The following RASAL2 variants were observed in gnomAD, a reference collection of about 807,000 sequenced individuals.
RASAL2 encodes ras GTPase-activating protein nGAP.
Under a neutral mutation model 128.9 loss-of-function variants are expected in RASAL2, and 58 were observed. The ratio of observed to expected loss-of-function variants is 0.45; its 90% confidence interval spans 0.36 to 0.56. The LOEUF (loss-of-function observed/expected upper bound fraction) is 0.56, where lower values mean the gene tolerates loss of function less well. Among genes scored for constraint, RASAL2 ranks in the 20% least tolerant of loss-of-function variants. The pLI, the probability that RASAL2 is intolerant of heterozygous loss-of-function variation, is 0.00. For missense variants in RASAL2, 1,360 were observed against 1,601.6 expected, an observed-to-expected ratio of 0.85 and a Z score of 2.57; for synonymous variants, 561 against 580.8, an observed-to-expected ratio of 0.97 and a Z score of 0.49.
chr1:178,191,005 T>C (rs1472630158), intron 1 of RASAL2, among the ~76,000 whole-genome samples: 1 of 152,174 alleles, frequency 6.6e-6, no homozygotes, highest in African/African-American at 2.4e-5. Flanking sequence ...CACCATCTAA[T>C]TGCTTTTTCT....
chr1:178,168,914 G>A (rs1353770505), intron 1 of RASAL2, among the ~76,000 whole-genome samples: 1 of 151,964 alleles, frequency 6.6e-6, no homozygotes, highest in Non-Finnish European at 1.5e-5. Flanking sequence ...CCAGTTCATT[G>A]TAGTTGTATA....
chr1:178,135,865 G>A (rs1180983142), intron 1 of RASAL2, among the ~76,000 whole-genome samples: 1 of 152,096 alleles, frequency 6.6e-6, no homozygotes, highest in Admixed American at 6.6e-5. Flanking sequence ...AAAACCATCA[G>A]GTCTCATGAG....
At chr1:178,357,240 G>T (rs1200694784) in intron 3 of RASAL2, among the ~76,000 whole-genome samples, 1 of 151,694 alleles carries the variant, frequency 6.6e-6, no homozygotes, top group Admixed American at 6.6e-5. Context: ...TCGCTTTTGT[G>T]TCATGCTTAG....
intron 1 of RASAL2, among the ~76,000 whole-genome samples, chr1:178,136,187 T>C (rs1217909440): frequency 6.6e-6 from 1 of 152,168 alleles, no homozygotes; most frequent in Non-Finnish European, 1.5e-5. Context: ...CACTGTCCTT[T>C]TGTAGCTCTG....
At chr1:178,100,956 A>C (rs1176208315) in intron 1 of RASAL2, among the ~76,000 whole-genome samples, 2 of 152,196 alleles carry the variant, frequency 1.3e-5, no homozygotes, top group African/African-American at 2.4e-5. Flanking sequence ...GCACTGCTAA[A>C]ATTGCTTCAC....
At chr1:178,407,376 T>G (rs1674063278) in intron 4 of RASAL2, among the ~76,000 whole-genome samples, 1 of 152,224 alleles carries the variant, frequency 6.6e-6, no homozygotes, top group Non-Finnish European at 1.5e-5. Flanking sequence ...AGTGAATATC[T>G]ACAAGTTCCT....
chr1:178,250,190 C>G (rs572958662), intron 1 of RASAL2, among the ~76,000 whole-genome samples: 2 of 152,298 alleles, frequency 1.3e-5, no homozygotes, highest in East Asian at 1.9e-4. Context: ...GCCCCTTCCC[C>G]CAGGGTGCTC....
chr1:178,186,656 T>C (rs1472306470), intron 1 of RASAL2, among the ~76,000 whole-genome samples: 2 of 152,146 alleles, frequency 1.3e-5, no homozygotes, highest in Admixed American at 6.6e-5. Context: ...CTGGCTGTTA[T>C]TATTATTTTG....
chr1:178,161,278 T>C (rs1283812308), intron 1 of RASAL2, among the ~76,000 whole-genome samples: 1 of 152,176 alleles, frequency 6.6e-6, no homozygotes, highest in Non-Finnish European at 1.5e-5. Flanking sequence ...TCATTGTTCA[T>C]TTCCCCTCCC....
intron 1 of RASAL2, among the ~76,000 whole-genome samples, chr1:178,271,030 T>A (rs1212350131): frequency 6.6e-6 from 1 of 152,144 alleles, no homozygotes; most frequent in Non-Finnish European, 1.5e-5. Context: ...TATTTTACCC[T>A]CCCAGGAGAG....
intron 6 of RASAL2, among the ~76,000 whole-genome samples, chr1:178,440,275 T>G (rs1676545041): frequency 6.6e-6 from 1 of 152,028 alleles, no homozygotes; most frequent in African/African-American, 2.4e-5. Context: ...TGACTACAGA[T>G]GAGTCCTATA....
At position 178,283,688 on chromosome 1, in the gene RASAL2, G is replaced by A. The variant is rs748045048; in HGVS notation, c.327G>A (p.Lys109=). The A allele has an allele frequency of 2.5e-6, 4 of 1,613,594 alleles. No individual in the cohort carries two copies. The highest frequency in any genetic ancestry group is 3.4e-6 in the Non-Finnish European group (4 of 1,179,812). Residue 109 remains lysine, a synonymous_variant, in exon 2 of 18, where the codon AAG becomes AAA. Coordinates refer to ENST00000367649, the MANE Select transcript of RASAL2 (RefSeq NM_170692.4). ...DSQLVLLNKE[K]EIPVEGGQEQ... is the part of the protein sequence containing the mutation. ...AGTTGGTATTGCTCAACAAGGAGAA[G>A]GAGGTGAGATGGATATTATTCAGGA... is the stretch of plus-strand genomic sequence containing the variant.
intron 3 of RASAL2, among the ~76,000 whole-genome samples, chr1:178,365,181 T>C (rs777278949): frequency 3.9e-5 from 6 of 152,150 alleles, no homozygotes; most frequent in Admixed American, 1.3e-4. Context: ...CTTGTTACAT[T>C]GTGGCTTTGC....
intron 4 of RASAL2, among the ~76,000 whole-genome samples, chr1:178,408,920 T>C (rs1205761026): frequency 2.0e-5 from 3 of 152,146 alleles, no homozygotes; most frequent in Non-Finnish European, 4.4e-5. Context: ...TCTGTATTAG[T>C]CTGTTTTCAC....
chr1:178,130,679 A>G (rs1660071348), intron 1 of RASAL2, among the ~76,000 whole-genome samples: 2 of 152,216 alleles, frequency 1.3e-5, no homozygotes, highest in African/African-American at 4.8e-5. Context: ...CCTCTAGACT[A>G]AAGATTTGTT....
intron 1 of RASAL2, among the ~76,000 whole-genome samples, chr1:178,132,211 A>T (rs1473635476): frequency 1.3e-5 from 2 of 150,008 alleles, no homozygotes; most frequent in Admixed American, 1.3e-4. Flanking sequence ...TGGCTAATTT[A>T]AAAAATTTTA....
At chr1:178,125,473 A>G (rs897356761) in intron 1 of RASAL2, 1 of 152,242 alleles carries the variant, frequency 6.6e-6, no homozygotes, top group African/African-American at 2.4e-5. Context: ...CAGGCTGTAC[A>G]GGAAATGTGG....
chr1:178,269,396 C>T (rs1312151604), intron 1 of RASAL2, among the ~76,000 whole-genome samples: 1 of 152,194 alleles, frequency 6.6e-6, no homozygotes, highest in Non-Finnish European at 1.5e-5. Context: ...TTGTCAGACA[C>T]GTGTGAACCA....
chr1:178,121,869 A>C (rs1016390668), intron 1 of RASAL2, among the ~76,000 whole-genome samples: 3 of 152,308 alleles, frequency 2.0e-5, no homozygotes, highest in East Asian at 3.9e-4. Context: ...GCTTAAAACA[A>C]AACAATAACA....
Sources: allele counts gnomAD v4.1 joint callset (sites outside exome capture counted in the v4.1 genomes callset), GRCh38; gene constraint gnomAD v4.1.1; transcripts MANE v1.5; gene names NCBI Gene and HGNC (gene_info 2026-07-23, HGNC 2026-07-21).